Variants in HNRNPC observed in about 807,000 individuals in gnomAD.
HNRNPC encodes heterogeneous nuclear ribonucleoprotein C.
HNRNPC carries 3 observed loss-of-function variants against 33.2 expected under a neutral mutation model. The observed-to-expected ratio is 0.09, with a 90% CI of 0.04 to 0.23. The LOEUF is 0.23. HNRNPC is among the 10% of genes least tolerant of loss of function. The pLI, the probability that HNRNPC is intolerant of heterozygous loss-of-function variation, is 1.00. For missense variants in HNRNPC, 143 were observed against 366.7 expected (o/e 0.39, Z 4.98); for synonymous variants, 121 against 126.7 (o/e 0.96, Z 0.30).
intron 5 of HNRNPC, among the ~76,000 whole-genome samples, chr14:21,214,592 CAG>C (rs886454855): frequency 2.0e-5 from 3 of 150,806 alleles, no homozygotes; most frequent in African/African-American, 7.3e-5. Flanking sequence ...AAAAAGAAAA[CAG>C]AAAAAAGTTT....
At chr14:21,245,509 T>A (rs1381367121) in intron 2 of HNRNPC, among the ~76,000 whole-genome samples, 1 of 143,250 alleles carries the variant, frequency 7.0e-6, no homozygotes, top group African/African-American at 2.7e-5. Context: ...AAAATATATA[T>A]ATATTTCAAA....
intron 2 of HNRNPC, among the ~76,000 whole-genome samples, chr14:21,253,836 C>T (rs904014899): frequency 3.3e-5 from 5 of 151,820 alleles, no homozygotes; most frequent in Non-Finnish European, 5.9e-5. Context: ...GAGGCTAAGG[C>T]GGGCAGATCA....
At chr14:21,218,442 T>C (rs1594207434) in intron 5 of HNRNPC, among the ~76,000 whole-genome samples, 1 of 150,738 alleles carries the variant, frequency 6.6e-6, no homozygotes, top group African/African-American at 2.4e-5. Flanking sequence ...TCCCAGCACT[T>C]CCGGAGGCCG....
At chr14:21,239,166 A>G (rs987432839) in intron 2 of HNRNPC, among the ~76,000 whole-genome samples, 8 of 152,192 alleles carry the variant, frequency 5.3e-5, no homozygotes, top group Middle Eastern at 3.2e-3. Flanking sequence ...AGCCTCCATT[A>G]TTTGTAAATC....
chr14:21,221,792 G>A (rs933061726), intron 5 of HNRNPC, among the ~76,000 whole-genome samples: 4 of 152,118 alleles, frequency 2.6e-5, no homozygotes, highest in African/African-American at 9.7e-5. Context: ...GCTCATGCCT[G>A]TAATCTCAGC....
At chr14:21,231,183 G>A in intron 3 of HNRNPC, 111 bp from the exon 4 acceptor site, 2 of 1,014,608 alleles carry the variant, frequency 2.0e-6, no homozygotes, top group Non-Finnish European at 1.5e-6. Flanking sequence ...CGCTCAGGCT[G>A]GAGTGCAGTG....
At chr14:21,253,735 A>G (rs1357753838) in intron 2 of HNRNPC, among the ~76,000 whole-genome samples, 1 of 152,130 alleles carries the variant, frequency 6.6e-6, no homozygotes, top group Non-Finnish European at 1.5e-5. Flanking sequence ...ATAAATTGCT[A>G]AACTTATTAG....
chr14:21,216,482 C>T (rs1194071224), intron 5 of HNRNPC, among the ~76,000 whole-genome samples: 2 of 152,072 alleles, frequency 1.3e-5, no homozygotes, highest in South Asian at 2.1e-4. Flanking sequence ...CTAAGGCGAG[C>T]GGCTCATTTG....
chr14:21,229,162 G>A (rs1008652085), intron 5 of HNRNPC, among the ~76,000 whole-genome samples: 3 of 151,324 alleles, frequency 2.0e-5, no homozygotes, highest in Admixed American at 6.6e-5. Flanking sequence ...AGGCCAAGAC[G>A]GACGGATCAT....
intron 5 of HNRNPC, among the ~76,000 whole-genome samples, chr14:21,228,935 A>T (rs1184446667): frequency 6.6e-6 from 1 of 151,502 alleles, no homozygotes; most frequent in African/African-American, 2.4e-5. Flanking sequence ...AAATACAAAA[A>T]TTAGCCGGGA....
chr14:21,245,213 G>T (rs1895835312), intron 2 of HNRNPC, among the ~76,000 whole-genome samples: 1 of 151,932 alleles, frequency 6.6e-6, no homozygotes, highest in Non-Finnish European at 1.5e-5. Flanking sequence ...TTTCAAAAAT[G>T]GGCTGGGAGC....
intron 5 of HNRNPC, among the ~76,000 whole-genome samples, chr14:21,214,645 T>C (rs1363434729): frequency 6.6e-6 from 1 of 152,192 alleles, no homozygotes; most frequent in African/African-American, 2.4e-5. Flanking sequence ...GTTTAATCCA[T>C]TCATGGGAAT....
At chr14:21,267,014 C>G (rs945634900) in intron 1 of HNRNPC, among the ~76,000 whole-genome samples, 7 of 147,296 alleles carry the variant, frequency 4.8e-5, no homozygotes, top group Non-Finnish European at 1.0e-4. Flanking sequence ...TCGCTTGAAC[C>G]CGGGAGGCGG....
intron 5 of HNRNPC, among the ~76,000 whole-genome samples, chr14:21,218,542 G>C (rs1892460878): frequency 6.6e-6 from 1 of 151,682 alleles, no homozygotes; most frequent in African/African-American, 2.4e-5. Context: ...AAAAAAATCA[G>C]CAGGGTGTGG....
chr14:21,245,471 T>C (rs774954762), intron 2 of HNRNPC, among the ~76,000 whole-genome samples: 16 of 151,962 alleles, frequency 1.1e-4, no homozygotes, highest in African/African-American at 1.5e-4. Context: ...CACTCCAGCC[T>C]GGCAACAAAG....
chr14:21,223,351 C>T (rs1455156470), intron 5 of HNRNPC, among the ~76,000 whole-genome samples: 1 of 152,102 alleles, frequency 6.6e-6, no homozygotes, highest in African/African-American at 2.4e-5. Context: ...TTGATTCAGA[C>T]CCAAATGCCT....
At chr14:21,216,884 T>C (rs1051426305) in intron 5 of HNRNPC, among the ~76,000 whole-genome samples, 11 of 152,186 alleles carry the variant, frequency 7.2e-5, no homozygotes, top group Non-Finnish European at 1.3e-4. Flanking sequence ...AATAACAATA[T>C]GTCAAATTGT....
intron 5 of HNRNPC, among the ~76,000 whole-genome samples, chr14:21,218,937 C>G (rs1353259361): frequency 6.6e-6 from 1 of 151,196 alleles, no homozygotes; most frequent in Non-Finnish European, 1.5e-5. Flanking sequence ...TGATGAAACC[C>G]CATCTCTACT....
At chr14:21,219,122 A>AAAAGAAG (rs771795365) in intron 5 of HNRNPC, among the ~76,000 whole-genome samples, 6,780 of 150,414 alleles carry the variant, frequency 0.045, 399 homozygotes, top group Admixed American at 0.16. Flanking sequence ...AAAAAAAAAA[A>AAAAGAAG]AAGAAGAAAA....
Sources: allele counts gnomAD v4.1 joint callset (sites outside exome capture counted in the v4.1 genomes callset), GRCh38; gene constraint gnomAD v4.1.1; transcripts MANE v1.5; gene names NCBI Gene and HGNC (gene_info 2026-07-23, HGNC 2026-07-21).